The following CNTNAP2 variants were observed in gnomAD, a reference collection of about 807,000 sequenced individuals.
The protein encoded by CNTNAP2 is contactin-associated protein-like 2.
Under a neutral mutation model 155.2 loss-of-function variants are expected in CNTNAP2, and 98 were observed. That is an observed-to-expected ratio of 0.63 (90% CI 0.54 to 0.75). The LOEUF is 0.75. CNTNAP2 is among the 30% of genes least tolerant of loss of function. The pLI is 0.00. For synonymous variants in CNTNAP2, 651 were observed against 631.2 expected (o/e 1.03, Z -0.47); for missense variants, 1,727 against 1,688.1 (o/e 1.02, Z -0.40).
intron 13 of CNTNAP2, among the ~76,000 whole-genome samples, chr7:147,855,600 A>C (rs1799022261): frequency 6.6e-6 from 1 of 152,112 alleles, no homozygotes; most frequent in Non-Finnish European, 1.5e-5. Context: ...CAGTCTGGCC[A>C]ACATGGTAAA....
chr7:146,696,090 T>C (rs1050730174), intron 1 of CNTNAP2, among the ~76,000 whole-genome samples: 1 of 152,308 alleles, frequency 6.6e-6, no homozygotes, highest in African/African-American at 2.4e-5. Context: ...TTATATTTTC[T>C]GTAAAAGTTT....
chr7:146,141,785 G>A lies in CNTNAP2; in HGVS notation c.97+24812G>A, dbSNP rs185461566. Reference sequence around the variant, plus strand: ...CTAAAGTTGCAACTTGAAAATTCCTGTAAGACACGCATCATTCCATATAAG... The same window carrying A: ...CTAAAGTTGCAACTTGAAAATTCCTATAAGACACGCATCATTCCATATAAG... On this transcript the variant is annotated intron_variant, in intron 1 of 23. Coordinates refer to ENST00000361727, the MANE Select transcript of CNTNAP2 (RefSeq NM_014141.6). Among the ~76,000 whole-genome samples the A allele has an allele frequency of 1.7e-3, 265 of 152,182 alleles. 1 individual carries two copies. Among genetic ancestry groups the A allele is most frequent in the South Asian group, 3.3e-3 (16 of 4,822 alleles).
At chr7:148,184,360 A>G (rs1343761598) in intron 18 of CNTNAP2, among the ~76,000 whole-genome samples, 1 of 152,240 alleles carries the variant, frequency 6.6e-6, no homozygotes, top group Non-Finnish European at 1.5e-5. Flanking sequence ...TGCTTTTATC[A>G]ACTTTAACAT....
intron 13 of CNTNAP2, among the ~76,000 whole-genome samples, chr7:147,653,878 CAT>C (rs1795486349): frequency 6.6e-6 from 1 of 152,148 alleles, no homozygotes; most frequent in African/African-American, 2.4e-5. Flanking sequence ...AGAAACCAAA[CAT>C]ATTTTATTTT....
At chr7:146,184,958 T>A (rs538184319) in intron 1 of CNTNAP2, among the ~76,000 whole-genome samples, 1 of 152,300 alleles carries the variant, frequency 6.6e-6, no homozygotes, top group Admixed American at 6.5e-5. Flanking sequence ...AGAGATGGTT[T>A]TTCTGTATCA....
chr7:146,737,523 G>GAT (rs1801641077), intron 1 of CNTNAP2, among the ~76,000 whole-genome samples: 2 of 152,008 alleles, frequency 1.3e-5, no homozygotes, highest in Non-Finnish European at 2.9e-5. Context: ...AGATGGAACA[G>GAT]GTATAACGGG....
chr7:146,371,095 A>T (rs181230170), intron 1 of CNTNAP2, among the ~76,000 whole-genome samples: 8 of 151,986 alleles, frequency 5.3e-5, no homozygotes, highest in Admixed American at 3.3e-4. Context: ...TCAATTTTCT[A>T]TATAGCTAAT....
At chr7:147,483,737 A>T (rs1770467975) in intron 10 of CNTNAP2, among the ~76,000 whole-genome samples, 1 of 152,182 alleles carries the variant, frequency 6.6e-6, no homozygotes, top group African/African-American at 2.4e-5. Context: ...GTTTCATGTA[A>T]TTTTGAAGTG....
intron 15 of CNTNAP2, among the ~76,000 whole-genome samples, chr7:147,993,387 G>GA (rs1801748740): frequency 6.6e-6 from 1 of 151,988 alleles, no homozygotes; most frequent in South Asian, 2.1e-4. Flanking sequence ...TTCCTTTATG[G>GA]AAAAATTCAT....
chr7:146,527,311 A>G (rs1025988771), intron 1 of CNTNAP2, among the ~76,000 whole-genome samples: 5 of 152,284 alleles, frequency 3.3e-5, no homozygotes, highest in Admixed American at 6.5e-5. Flanking sequence ...CTTGTATTCC[A>G]CTAAATTGTG....
intron 8 of CNTNAP2, among the ~76,000 whole-genome samples, chr7:147,279,520 AATG>A (rs956103442): frequency 1.6e-4 from 24 of 151,812 alleles, no homozygotes; most frequent in African/African-American, 5.3e-4. Context: ...ATTTCCATAA[AATG>A]ATAACTTTGT....
At chr7:147,791,888 C>T (rs1239429889) in intron 13 of CNTNAP2, among the ~76,000 whole-genome samples, 1 of 152,190 alleles carries the variant, frequency 6.6e-6, no homozygotes, top group Non-Finnish European at 1.5e-5. Context: ...ATGTCATTTC[C>T]TCATCAAGTC....
intron 14 of CNTNAP2, among the ~76,000 whole-genome samples, chr7:147,969,085 CA>C (rs771612041): frequency 3.9e-4 from 59 of 152,280 alleles, no homozygotes; most frequent in Admixed American, 5.9e-4. Context: ...TTGGTTTTGA[CA>C]AAATGTCTTG....
intron 13 of CNTNAP2, among the ~76,000 whole-genome samples, chr7:147,715,041 C>T (rs753787580): frequency 2.0e-4 from 30 of 152,082 alleles, no homozygotes; most frequent in Non-Finnish European, 4.3e-4. Context: ...GTAGTATTCC[C>T]TGATATGCAT....
At chr7:146,964,681 C>T (rs1274588703) in intron 3 of CNTNAP2, among the ~76,000 whole-genome samples, 1 of 152,150 alleles carries the variant, frequency 6.6e-6, no homozygotes, top group Non-Finnish European at 1.5e-5. Context: ...TTTCCTGAAT[C>T]TCCTTTTTAT....
intron 14 of CNTNAP2, among the ~76,000 whole-genome samples, chr7:147,961,170 C>G (rs1801115304): frequency 6.6e-6 from 1 of 152,064 alleles, no homozygotes; most frequent in Non-Finnish European, 1.5e-5. Context: ...ATATCCCTGT[C>G]CTAACTTCTA....
At chr7:147,632,859 C>T (rs1229336609) in intron 12 of CNTNAP2, among the ~76,000 whole-genome samples, 3 of 152,106 alleles carry the variant, frequency 2.0e-5, no homozygotes, top group East Asian at 3.9e-4. Flanking sequence ...GAGGTGGTCT[C>T]ATATGAAGAT....
chr7:147,822,148 G>A (rs1355675708), intron 13 of CNTNAP2, among the ~76,000 whole-genome samples: 1 of 152,070 alleles, frequency 6.6e-6, no homozygotes, highest in Non-Finnish European at 1.5e-5. Flanking sequence ...AGAGAAGATG[G>A]ACTAGAATAT....
At chr7:147,599,190 C>G (rs1390346091) in intron 12 of CNTNAP2, among the ~76,000 whole-genome samples, 1 of 151,926 alleles carries the variant, frequency 6.6e-6, no homozygotes, top group East Asian at 1.9e-4. Flanking sequence ...TTAAAATGTA[C>G]CATTGGTCAA....
Sources: gnomAD v4.1 joint callset for allele counts (sites outside exome capture counted in the v4.1 genomes callset) on GRCh38, gnomAD v4.1.1 for gene constraint, MANE v1.5 for transcripts, NCBI Gene and HGNC (gene_info 2026-07-23, HGNC 2026-07-21) for gene names.